Variants in FAT3 observed in about 807,000 individuals in gnomAD.
FAT3 encodes protocadherin Fat 3.
Under a neutral mutation model 310.2 loss-of-function variants are expected in FAT3, and 95 were observed. That is an observed-to-expected ratio of 0.31 (90% confidence interval 0.26 to 0.36). The LOEUF (loss-of-function observed/expected upper bound fraction) is 0.36, where lower values mean the gene tolerates loss of function less well. Ranked by LOEUF, FAT3 falls within the 10% of genes least tolerant of loss-of-function variation. FAT3 has a pLI of 1.00. For missense variants in FAT3, 5,408 were observed against 5,715.6 expected, an observed-to-expected ratio of 0.95 and a Z score of 1.74; for synonymous variants, 2,314 against 2,192.9, an observed-to-expected ratio of 1.06 and a Z score of -1.54.
chr11:92,488,462 G>A (rs865811253), intron 2 of FAT3, among the ~76,000 whole-genome samples: 5 of 17,988 alleles, frequency 2.8e-4, no homozygotes, highest in Admixed American at 8.1e-4. Flanking sequence ...CCCCCCCCCC[G>A]CCCCCCAACC....
chr11:92,749,556 G>C (rs1387393940), intron 4 of FAT3, among the ~76,000 whole-genome samples: 1 of 152,144 alleles, frequency 6.6e-6, no homozygotes, highest in Non-Finnish European at 1.5e-5. Flanking sequence ...GTGACTCTAT[G>C]CTTTCCTGAG....
At chr11:92,379,117 A>C (rs1175177332) in intron 2 of FAT3, among the ~76,000 whole-genome samples, 1 of 152,220 alleles carries the variant, frequency 6.6e-6, no homozygotes, top group South Asian at 2.1e-4. Flanking sequence ...TCTGTAAGAA[A>C]CACTTTTCCA....
At chr11:92,457,911 G>A (rs192298761) in intron 2 of FAT3, among the ~76,000 whole-genome samples, 2 of 152,256 alleles carry the variant, frequency 1.3e-5, no homozygotes, top group African/African-American at 4.8e-5. Context: ...TACAAAGCGA[G>A]ACTCCATCTC....
chr11:92,299,105 T>C (rs1196027829), intron 1 of FAT3, among the ~76,000 whole-genome samples: 1 of 152,064 alleles, frequency 6.6e-6, no homozygotes, highest in African/African-American at 2.4e-5. Context: ...GCCTAACATC[T>C]GGCTGAGGTC....
At chr11:92,483,340 T>C in intron 2 of FAT3, among the ~76,000 whole-genome samples, 1 of 152,114 alleles carries the variant, frequency 6.6e-6, no homozygotes, top group East Asian at 1.9e-4. Flanking sequence ...TCTTTTCTTT[T>C]TCTTTTATTT....
intron 3 of FAT3, among the ~76,000 whole-genome samples, chr11:92,666,976 G>A (rs556170643): frequency 1.5e-4 from 23 of 152,194 alleles, no homozygotes; most frequent in African/African-American, 4.3e-4. Flanking sequence ...GGGTCTAGTC[G>A]TGAGGAGATG....
intron 2 of FAT3, among the ~76,000 whole-genome samples, chr11:92,465,382 T>C (rs185114454): frequency 6.6e-6 from 1 of 152,316 alleles, no homozygotes; most frequent in Non-Finnish European, 1.5e-5. Context: ...TTATAAAACA[T>C]TGCCCTTCAC....
intron 2 of FAT3, among the ~76,000 whole-genome samples, chr11:92,398,441 C>T (rs930542453): frequency 1.5e-5 from 2 of 137,416 alleles, no homozygotes; most frequent in African/African-American, 2.7e-5. Flanking sequence ...GCGGAGGTTG[C>T]AGTGAGCTGG....
chr11:92,683,085 A>AAAAAAAAAAAT (rs1943533901), intron 3 of FAT3, among the ~76,000 whole-genome samples: 1 of 151,462 alleles, frequency 6.6e-6, no homozygotes, highest in Non-Finnish European at 1.5e-5. Context: ...AAAAAAAAAA[A>AAAAAAAAAAAT]AGTGGTATCT....
At chr11:92,688,014 G>C (rs951872157) in intron 3 of FAT3, among the ~76,000 whole-genome samples, 1 of 150,898 alleles carries the variant, frequency 6.6e-6, no homozygotes, top group Non-Finnish European at 1.5e-5. Context: ...CCAGGAATTA[G>C]AGACCACATC....
At chr11:92,378,613 G>A (rs1001779492) in intron 2 of FAT3, among the ~76,000 whole-genome samples, 4 of 152,058 alleles carry the variant, frequency 2.6e-5, no homozygotes, top group East Asian at 1.9e-4. Flanking sequence ...TGAAGTCTCC[G>A]AATTTTTATT....
intron 1 of FAT3, among the ~76,000 whole-genome samples, chr11:92,242,926 T>A (rs1361988562): frequency 6.6e-6 from 1 of 152,046 alleles, no homozygotes; most frequent in Admixed American, 6.6e-5. Context: ...TTATTTTATT[T>A]AGTGGATGTG....
At chr11:92,739,825 T>G (rs1422864459) in intron 4 of FAT3, among the ~76,000 whole-genome samples, 7 of 152,168 alleles carry the variant, frequency 4.6e-5, no homozygotes, top group Admixed American at 4.6e-4. Context: ...GCTTTTGCCA[T>G]AAAATAGAAA....
chr11:92,649,874 CAT>C (rs10528724), intron 3 of FAT3, among the ~76,000 whole-genome samples: 8,374 of 46,920 alleles, frequency 0.18, 376 homozygotes, highest in Admixed American at 0.26. Flanking sequence ...TTTGTATGTT[CAT>C]ATATATATAT....
At chr11:92,756,484 T>C (rs566713713) in intron 4 of FAT3, among the ~76,000 whole-genome samples, 110 of 152,296 alleles carry the variant, frequency 7.2e-4, no homozygotes, top group African/African-American at 2.6e-3. Context: ...TGATTTTCCA[T>C]TATAAATACA....
intron 1 of FAT3, among the ~76,000 whole-genome samples, chr11:92,245,701 A>T (rs1864870851): frequency 6.6e-6 from 1 of 152,122 alleles, no homozygotes; most frequent in African/African-American, 2.4e-5. Context: ...AGCAGCCATA[A>T]ACAATATATG....
intron 3 of FAT3, among the ~76,000 whole-genome samples, chr11:92,629,474 G>A (rs935336891): frequency 6.7e-6 from 1 of 148,904 alleles, no homozygotes; most frequent in Non-Finnish European, 1.5e-5. Context: ...CAGGCTGCTA[G>A]GCTGGAGTAT....
At chr11:92,285,928 G>A (rs1189852634) in intron 1 of FAT3, among the ~76,000 whole-genome samples, 2 of 152,062 alleles carry the variant, frequency 1.3e-5, no homozygotes, top group African/African-American at 2.4e-5. Flanking sequence ...CCTCCAGGAC[G>A]TGGGGTGTGG....
chr11:92,651,200 T>C (rs989139354), intron 3 of FAT3, among the ~76,000 whole-genome samples: 6 of 152,182 alleles, frequency 3.9e-5, no homozygotes, highest in East Asian at 1.9e-4. Context: ...CTGTGCTAGA[T>C]GTTGGGAGGA....
Sources: gnomAD v4.1 joint callset for allele counts (sites outside exome capture counted in the v4.1 genomes callset) on GRCh38, gnomAD v4.1.1 for gene constraint, MANE v1.5 for transcripts, NCBI Gene and HGNC (gene_info 2026-07-23, HGNC 2026-07-21) for gene names.